Variants in XPR1 observed in about 807,000 individuals in gnomAD.
The protein encoded by XPR1 is xenotropic and polytropic retrovirus receptor 1.
In XPR1, 28 loss-of-function variants were observed where a neutral mutation model predicts 87.5. The observed-to-expected ratio is 0.32, with a 90% CI of 0.24 to 0.44. XPR1 has a LOEUF of 0.44. Among genes scored for constraint, XPR1 ranks in the 20% least tolerant of loss-of-function variants. The pLI is 1.00. For missense variants in XPR1, 559 were observed against 862.3 expected (o/e 0.65, Z 4.41); for synonymous variants, 300 against 306.1 (o/e 0.98, Z 0.21).
chr1:180,865,574 G>A (rs1426508851), intron 12 of XPR1, among the ~76,000 whole-genome samples: 1 of 151,938 alleles, frequency 6.6e-6, no homozygotes, highest in African/African-American at 2.4e-5. Flanking sequence ...TTAATTTTTT[G>A]TAGTTTTAGT....
chr1:180,763,003 C>A (rs952869610), intron 2 of XPR1, among the ~76,000 whole-genome samples: 1 of 152,144 alleles, frequency 6.6e-6, no homozygotes, highest in East Asian at 1.9e-4. Flanking sequence ...GAATGACTTG[C>A]GTTCACTGGG....
In XPR1 at chr1:180,840,566, G is replaced by GTATA. The variant is rs71579073; in HGVS notation, c.1501+3871_1501+3874dup. ...TGTGTGTGTGTGTGTGTGTGTGTGT[G>GTATA]TATATATATATATATATATATATAA... On this transcript the variant is annotated intron_variant, in intron 11 of 14. Coordinates refer to ENST00000367590, the MANE Select transcript of XPR1 (RefSeq NM_004736.4). Among the ~76,000 whole-genome samples the GTATA allele has an allele frequency of 6.0e-4, 82 of 136,392 alleles. No homozygotes were observed. In the Middle Eastern group the frequency reaches 0.011, roughly 19 times the overall value. 89.5% of individuals were successfully genotyped at this position (136,392 alleles called of 152,430 possible).
At chr1:180,831,362 C>CTTTTTTTTTTTTTTTTT (rs753235095) in intron 9 of XPR1, among the ~76,000 whole-genome samples, 3 of 115,478 alleles carry the variant, frequency 2.6e-5, no homozygotes, top group Non-Finnish European at 3.7e-5. Context: ...TTTTCTTTTT[C>CTTTTTTTTTTTTTTTTT]TTTTTTTTTT....
chr1:180,702,009 G>T (rs1250713852), intron 2 of XPR1, among the ~76,000 whole-genome samples: 4 of 91,314 alleles, frequency 4.4e-5, no homozygotes, highest in Non-Finnish European at 8.2e-5. Flanking sequence ...TGCTTTTCTA[G>T]TTCTTTTAAT....
intron 3 of XPR1, among the ~76,000 whole-genome samples, chr1:180,792,159 G>T (rs1370739638): frequency 6.6e-6 from 1 of 152,146 alleles, no homozygotes; most frequent in Admixed American, 6.5e-5. Context: ...TCAGACACTA[G>T]GGCACAAGAA....
At chr1:180,644,404 CTT>C (rs369513320) in intron 1 of XPR1, among the ~76,000 whole-genome samples, 15 of 133,366 alleles carry the variant, frequency 1.1e-4, no homozygotes, top group Admixed American at 3.0e-4. Flanking sequence ...TTCTGATTTA[CTT>C]TTTTTTTTTT....
chr1:180,751,784 CTT>C lies in XPR1; in HGVS notation c.122-35968_122-35967del, dbSNP rs1159880896. Among the ~76,000 whole-genome samples, 4 of 152,176 alleles carry C rather than the reference CTT, an allele frequency of 2.6e-5. No homozygotes were observed. In the East Asian group the frequency reaches 5.8e-4, roughly 22 times the overall value. On this transcript the variant is annotated intron_variant, in intron 2 of 14. Coordinates refer to ENST00000367590, the MANE Select transcript of XPR1 (RefSeq NM_004736.4). ...TAATTTCCAGTGGTAGAACCTCTCT[CTT>C]GTCAAGTAGAAAGAGCAGATGGCAA... is the stretch of plus-strand genomic sequence containing the variant.
chr1:180,828,506 T>G (rs1177537715), intron 9 of XPR1, among the ~76,000 whole-genome samples: 1 of 152,182 alleles, frequency 6.6e-6, no homozygotes, highest in Non-Finnish European at 1.5e-5. Context: ...GTAAGCTAAT[T>G]AAAAATTTTA....
chr1:180,810,327 T>A (rs1040920546), intron 6 of XPR1, among the ~76,000 whole-genome samples: 7 of 152,180 alleles, frequency 4.6e-5, no homozygotes, highest in African/African-American at 1.7e-4. Context: ...ACACCTGTAA[T>A]CCCAGCACTT....
intron 1 of XPR1, among the ~76,000 whole-genome samples, chr1:180,667,395 T>G (rs191964478): frequency 1.3e-5 from 2 of 152,362 alleles, no homozygotes; most frequent in Admixed American, 1.3e-4. Context: ...TTACATTGAT[T>G]GATTTTCCTG....
chr1:180,794,401 C>T (rs1226666568), intron 3 of XPR1, among the ~76,000 whole-genome samples: 1 of 152,142 alleles, frequency 6.6e-6, no homozygotes, highest in Non-Finnish European at 1.5e-5. Context: ...GTACGTGGGT[C>T]ATCACAGGCA....
intron 2 of XPR1, among the ~76,000 whole-genome samples, chr1:180,787,328 G>T (rs781093964): frequency 6.6e-5 from 10 of 151,234 alleles, no homozygotes; most frequent in Admixed American, 5.3e-4. Context: ...TTGAAACGGG[G>T]TCTTGCTCTG....
chr1:180,684,471 G>T (rs1290579223), intron 2 of XPR1, among the ~76,000 whole-genome samples: 1 of 152,108 alleles, frequency 6.6e-6, no homozygotes, highest in Non-Finnish European at 1.5e-5. Flanking sequence ...GGCGATGCGG[G>T]CTCTTTTTTG....
At chr1:180,718,402 C>T (rs560368677) in intron 2 of XPR1, among the ~76,000 whole-genome samples, 6 of 152,150 alleles carry the variant, frequency 3.9e-5, no homozygotes, top group Non-Finnish European at 8.8e-5. Context: ...TGGCAAATTT[C>T]GCTTGTTAGA....
rs529977781 is a variant in XPR1, at chr1:180,843,300, T to C, written c.1501+6584T>C. 1.6e-4 allele frequency among the ~76,000 whole-genome samples: 25 copies of C among 152,166 alleles called. No individual in the cohort carries two copies. In the South Asian group the frequency reaches 2.3e-3, roughly 14 times the overall value. Reference sequence around the variant, plus strand: ...CATTAACTTTAAAAAAAAAAAGATATACACACATTTTTAAAAACTGATTTG... The same window carrying C: ...CATTAACTTTAAAAAAAAAAAGATACACACACATTTTTAAAAACTGATTTG... On this transcript the variant is annotated intron_variant, in intron 11 of 14. Transcript: ENST00000367590.
At chr1:180,667,242 GT>G (rs972314271) in intron 1 of XPR1, among the ~76,000 whole-genome samples, 5 of 152,124 alleles carry the variant, frequency 3.3e-5, no homozygotes, top group African/African-American at 1.2e-4. Context: ...TTCATTGTGG[GT>G]TTTTCAGATA....
At chr1:180,698,185 A>G (rs950420351) in intron 2 of XPR1, among the ~76,000 whole-genome samples, 1 of 152,040 alleles carries the variant, frequency 6.6e-6, no homozygotes, top group Non-Finnish European at 1.5e-5. Flanking sequence ...TCATTATTTA[A>G]TGACCTTCTT....
intron 2 of XPR1, among the ~76,000 whole-genome samples, chr1:180,756,384 G>C (rs1261936225): frequency 1.3e-5 from 2 of 152,128 alleles, no homozygotes; most frequent in South Asian, 2.1e-4. Context: ...TTTATCGTCT[G>C]GGTAATGCTG....
intron 11 of XPR1, among the ~76,000 whole-genome samples, chr1:180,856,813 A>G (rs1652047483): frequency 6.6e-6 from 1 of 152,226 alleles, no homozygotes; most frequent in Non-Finnish European, 1.5e-5. Context: ...TGCCACAGCC[A>G]TATTAATACA....
Sources: allele counts gnomAD v4.1 joint callset (sites outside exome capture counted in the v4.1 genomes callset), GRCh38; gene constraint gnomAD v4.1.1; transcripts MANE v1.5; gene names NCBI Gene and HGNC (gene_info 2026-07-23, HGNC 2026-07-21).